Variants in CNTNAP2 observed in about 807,000 individuals in gnomAD.
CNTNAP2 encodes the protein contactin-associated protein-like 2.
In CNTNAP2, 98 loss-of-function variants were observed where a neutral mutation model predicts 155.2. That is an observed-to-expected ratio of 0.63 (90% CI 0.54 to 0.75). The LOEUF (loss-of-function observed/expected upper bound fraction) is 0.75. Ranked by LOEUF, CNTNAP2 falls within the 30% of genes least tolerant of loss-of-function variation. CNTNAP2 has a pLI of 0.00. For missense variants in CNTNAP2, 1,727 were observed against 1,688.1 expected (o/e 1.02, Z -0.40); for synonymous variants, 651 against 631.2 (o/e 1.03, Z -0.47).
At chr7:147,599,175 A>G (rs960932726) in intron 12 of CNTNAP2, among the ~76,000 whole-genome samples, 1 of 152,112 alleles carries the variant, frequency 6.6e-6, no homozygotes, top group Non-Finnish European at 1.5e-5. Context: ...AAGTTGAGTG[A>G]TAGATTAAAA....
intron 21 of CNTNAP2, among the ~76,000 whole-genome samples, chr7:148,357,935 C>T (rs1798547686): frequency 1.3e-5 from 2 of 152,158 alleles, no homozygotes; most frequent in South Asian, 4.1e-4. Flanking sequence ...TTACTCCTGA[C>T]CTGTGGGGCC....
At chr7:146,328,888 A>C (rs1448371154) in intron 1 of CNTNAP2, among the ~76,000 whole-genome samples, 1 of 152,168 alleles carries the variant, frequency 6.6e-6, no homozygotes, top group Non-Finnish European at 1.5e-5. Context: ...CTACCGAATA[A>C]TATTCTAAAG....
chr7:146,739,095 G>A (rs1585067402), intron 1 of CNTNAP2, among the ~76,000 whole-genome samples: 1 of 151,566 alleles, frequency 6.6e-6, no homozygotes, highest in Non-Finnish European at 1.5e-5. Context: ...TCTTAGTTTT[G>A]TTGATCTTTT....
chr7:146,863,631 A>C (rs938659690), intron 3 of CNTNAP2, among the ~76,000 whole-genome samples: 13 of 141,964 alleles, frequency 9.2e-5, no homozygotes, highest in Non-Finnish European at 1.6e-4. Flanking sequence ...CCTAATTAGT[A>C]CTATGCTATT....
At chr7:147,718,978 CT>C (rs1422895826) in intron 13 of CNTNAP2, among the ~76,000 whole-genome samples, 1 of 151,968 alleles carries the variant, frequency 6.6e-6, no homozygotes, top group Non-Finnish European at 1.5e-5. Flanking sequence ...AAAAAACAAT[CT>C]ATGAAAAACT....
At chr7:146,933,595 A>T (rs1796834531) in intron 3 of CNTNAP2, among the ~76,000 whole-genome samples, 1 of 148,376 alleles carries the variant, frequency 6.7e-6, no homozygotes, top group South Asian at 2.2e-4. Context: ...AATGGGATCT[A>T]ATTAAACTAA....
intron 1 of CNTNAP2, among the ~76,000 whole-genome samples, chr7:146,572,568 C>G (rs1798459009): frequency 6.6e-6 from 1 of 152,144 alleles, no homozygotes; most frequent in South Asian, 2.1e-4. Context: ...ATGGACATCC[C>G]AATGTTCCCA....
At chr7:147,291,218 A>G (rs995207095) in intron 8 of CNTNAP2, among the ~76,000 whole-genome samples, 2 of 151,938 alleles carry the variant, frequency 1.3e-5, no homozygotes, top group African/African-American at 4.8e-5. Context: ...TTTGTTATAT[A>G]GCTATACATG....
At chr7:147,675,304 G>A (rs1297710550) in intron 13 of CNTNAP2, among the ~76,000 whole-genome samples, 1 of 152,046 alleles carries the variant, frequency 6.6e-6, no homozygotes, top group African/African-American at 2.4e-5. Flanking sequence ...TTAATTTTGA[G>A]ATCCTTAACT....
At chr7:147,915,742 C>T (rs1374889107) in intron 14 of CNTNAP2, among the ~76,000 whole-genome samples, 1 of 148,162 alleles carries the variant, frequency 6.7e-6, no homozygotes, top group South Asian at 2.2e-4. Flanking sequence ...TACCAGTGAT[C>T]TGGGTGGCGG....
At chr7:146,340,902 T>C (rs541647106) in intron 1 of CNTNAP2, among the ~76,000 whole-genome samples, 1 of 152,308 alleles carries the variant, frequency 6.6e-6, no homozygotes, top group Admixed American at 6.5e-5. Flanking sequence ...CAAAAGGCAA[T>C]TGAATATACT....
rs1663252137 is a variant in CNTNAP2 at position 148,393,210 on chromosome 7, T to C, written c.3715+9322T>C. 2.0e-5 allele frequency among the ~76,000 whole-genome samples: 3 copies of C among 152,350 alleles called. No homozygotes were observed. The South Asian group carries it at 6.2e-4, about 32-fold the overall frequency. ...AGCACTTAAAAGTAATCATTCCTGCTCTTATAATTACATCTGAATTATTTC... is the reference window on the plus strand; with the variant it reads ...AGCACTTAAAAGTAATCATTCCTGCCCTTATAATTACATCTGAATTATTTC... On this transcript the variant is annotated intron_variant, in intron 22 of 23. Coordinates refer to ENST00000361727, the MANE Select transcript of CNTNAP2 (RefSeq NM_014141.6).
At chr7:147,725,500 G>A (rs1796626014) in intron 13 of CNTNAP2, among the ~76,000 whole-genome samples, 1 of 151,880 alleles carries the variant, frequency 6.6e-6, no homozygotes, top group African/African-American at 2.4e-5. Flanking sequence ...GGAGCAAGGA[G>A]AATATATCAT....
chr7:147,239,229 C>T (rs371895000), intron 8 of CNTNAP2, among the ~76,000 whole-genome samples: 5 of 152,072 alleles, frequency 3.3e-5, no homozygotes, highest in African/African-American at 7.2e-5. Context: ...TGCTCACTTT[C>T]GGGTGTGGTG....
intron 1 of CNTNAP2, among the ~76,000 whole-genome samples, chr7:146,764,453 T>C (rs1247205580): frequency 6.7e-6 from 1 of 148,388 alleles, no homozygotes; most frequent in Non-Finnish European, 1.5e-5. Flanking sequence ...AAAAATTGTT[T>C]TTTATTATTT....
chr7:146,996,163 T>C (rs1185343859), intron 3 of CNTNAP2, among the ~76,000 whole-genome samples: 5 of 152,080 alleles, frequency 3.3e-5, no homozygotes, highest in Non-Finnish European at 7.4e-5. Context: ...AAAGAGACTG[T>C]TTTTTCCCCC....
In CNTNAP2 at chr7:148,383,764, A is replaced by G. The variant is rs1341553214; in HGVS notation, c.3591A>G (p.Thr1197=). 1 of 1,614,186 alleles carries G rather than the reference A, an allele frequency of 6.2e-7. No individual in the cohort carries two copies. Among genetic ancestry groups the G allele is most frequent in the Non-Finnish European group, 8.5e-7 (1 of 1,180,046 alleles). ...IAPLKAALRQ[T]NASAHVHIQG... Reference sequence around the variant, plus strand: ...CTCTCAAGGCCGCCTTGAGGCAGACAAACGCCTCGGCTCACGTCCACATCC... The same window carrying G: ...CTCTCAAGGCCGCCTTGAGGCAGACGAACGCCTCGGCTCACGTCCACATCC... Residue 1197 remains threonine, a synonymous_variant, in exon 22 of 24, where the codon ACA becomes ACG. Coordinates refer to ENST00000361727, the MANE Select transcript of CNTNAP2 (RefSeq NM_014141.6).
At chr7:147,849,776 G>A (rs1014272392) in intron 13 of CNTNAP2, 8 of 152,230 alleles carry the variant, frequency 5.3e-5, no homozygotes, top group African/African-American at 1.9e-4. Context: ...GGAGGCAAGT[G>A]AGATGGTCAT....
At chr7:146,366,867 A>G (rs1795162853) in intron 1 of CNTNAP2, among the ~76,000 whole-genome samples, 1 of 152,182 alleles carries the variant, frequency 6.6e-6, no homozygotes, top group South Asian at 2.1e-4. Flanking sequence ...GGAAAATGAC[A>G]TAAATTTCAT....
Sources: allele counts gnomAD v4.1 joint callset (sites outside exome capture counted in the v4.1 genomes callset), GRCh38; gene constraint gnomAD v4.1.1; transcripts MANE v1.5; gene names NCBI Gene and HGNC (gene_info 2026-07-23, HGNC 2026-07-21).